RAD54B: variants seen among roughly 807,000 people sequenced by gnomAD.
The protein encoded by RAD54B is DNA repair and recombination protein RAD54B.
Under a neutral mutation model 95.8 loss-of-function variants are expected in RAD54B, and 78 were observed. The observed-to-expected ratio is 0.81, with a 90% CI of 0.68 to 0.98. The LOEUF is 0.98. Ranked by LOEUF, RAD54B falls within the 50% of genes least tolerant of loss-of-function variation. The pLI is 0.00. For synonymous variants in RAD54B, 328 were observed against 354.9 expected (o/e 0.92, Z 0.85); for missense variants, 957 against 1,056.6 (o/e 0.91, Z 1.31).
intron 10 of RAD54B, chr8:94,387,363 G>T: frequency 2.4e-6 from 1 of 415,662 alleles, no homozygotes; most frequent in Non-Finnish European, 4.2e-6. Context: ...TTACAGAGCA[G>T]TTCTAACGCA....
intron 3 of RAD54B, among the ~76,000 whole-genome samples, chr8:94,445,800 G>A (rs146995312): frequency 1.6e-4 from 25 of 151,790 alleles, no homozygotes; most frequent in African/African-American, 5.8e-4. Context: ...CAAAGCTCTG[G>A]GATCACAGGC....
At chr8:94,388,610 C>T (rs2129977536) in intron 10 of RAD54B, among the ~76,000 whole-genome samples, 1 of 152,228 alleles carries the variant, frequency 6.6e-6, no homozygotes, top group South Asian at 2.1e-4. Flanking sequence ...GTTGCACCCC[C>T]TCTTTAGTAA....
At chr8:94,464,238 C>A (rs1255350750) in intron 2 of RAD54B, among the ~76,000 whole-genome samples, 1 of 152,096 alleles carries the variant, frequency 6.6e-6, no homozygotes, top group African/African-American at 2.4e-5. Context: ...GTGGGCCTAA[C>A]CTAATCAAAT....
intron 1 of RAD54B, among the ~76,000 whole-genome samples, chr8:94,471,651 C>T (rs1813175720): frequency 1.3e-5 from 2 of 151,956 alleles, no homozygotes; most frequent in South Asian, 4.1e-4. Context: ...ATACATGCCA[C>T]AACATTAACC....
intron 1 of RAD54B, among the ~76,000 whole-genome samples, chr8:94,469,590 TAAATAA>T (rs1813118199): frequency 6.6e-6 from 1 of 152,256 alleles, no homozygotes; most frequent in Non-Finnish European, 1.5e-5. Flanking sequence ...TAAAGCAATT[TAAATAA>T]AAATTTCAAA....
chr8:94,378,614 T>C lies in RAD54B; in HGVS notation c.2268A>G (p.Arg756=). 2 of 1,609,724 alleles carry C rather than the reference T, an allele frequency of 1.2e-6. No individual in the cohort carries two copies. Among genetic ancestry groups the C allele is most frequent in the Non-Finnish European group, 1.7e-6 (2 of 1,177,186 alleles). ...TDIQAMSRVW[R]DGQKYPVHIY... ...TATGTACAGGATATTTCTGACCATC[T>C]CTCCATACTCTAGACATTGCCTATA... is the stretch of plus-strand genomic sequence containing the variant. Residue 756 remains arginine, a synonymous_variant, in exon 13 of 15, where the codon AGA becomes AGG. Coordinates refer to ENST00000336148, the MANE Select transcript of RAD54B (RefSeq NM_012415.3).
rs770305570 is a variant in RAD54B, at chr8:94,467,494, T to G, written c.46A>C (p.Lys16Gln). ...APSQLQGNSFKKPKFIPPGRS... is the reference protein window; with the variant it reads ...APSQLQGNSFQKPKFIPPGRS... ...CCTGGAGGTATAAATTTTGGTTTTTTGAAGGAATTCCCCTGCAACTGACTT... is the reference window on the plus strand; with the variant it reads ...CCTGGAGGTATAAATTTTGGTTTTTGGAAGGAATTCCCCTGCAACTGACTT... The change falls in exon 2 of 15, where the codon AAA (lysine) becomes CAA (glutamine). Residue 16 changes from lysine to glutamine, a missense_variant. Physicochemically the swap from Lys to Gln is moderately conservative, Grantham distance 53 (BLOSUM62 1). Transcript: ENST00000336148. 1.6e-5 allele frequency: 26 copies of G among 1,613,912 alleles called. No homozygotes were observed. Among genetic ancestry groups the G allele is most frequent in the Non-Finnish European group, 2.2e-5 (26 of 1,180,028 alleles).
chr8:94,446,397 C>T (rs1812521702), intron 3 of RAD54B, among the ~76,000 whole-genome samples: 1 of 152,096 alleles, frequency 6.6e-6, no homozygotes, highest in Non-Finnish European at 1.5e-5. Flanking sequence ...GAGGTGCATA[C>T]ACAGGGCATC....
chr8:94,420,082 T>C (rs867947039), intron 3 of RAD54B, among the ~76,000 whole-genome samples: 1 of 152,224 alleles, frequency 6.6e-6, no homozygotes, highest in Middle Eastern at 3.4e-3. Context: ...CCTAGGTGTG[T>C]AGCAGGCTAT....
intron 5 of RAD54B, among the ~76,000 whole-genome samples, chr8:94,405,717 AAGAG>A (rs1811370661): frequency 2.6e-5 from 4 of 152,160 alleles, no homozygotes; most frequent in Admixed American, 1.3e-4. Flanking sequence ...AACAAGGAAA[AAGAG>A]AAGATAGAGG....
At chr8:94,436,026 A>G (rs1460445597) in intron 3 of RAD54B, among the ~76,000 whole-genome samples, 2 of 152,144 alleles carry the variant, frequency 1.3e-5, no homozygotes, top group African/African-American at 4.8e-5. Context: ...GTTAGTTAAC[A>G]TATATTCAAT....
chr8:94,430,700 A>G, intron 3 of RAD54B: 1 of 902,380 alleles, frequency 1.1e-6, no homozygotes, highest in Non-Finnish European at 1.3e-6. Context: ...TGTTGTCTGT[A>G]TAATGTTTTA....
At chr8:94,452,593 G>A (rs1419940372) in intron 3 of RAD54B, among the ~76,000 whole-genome samples, 3 of 152,044 alleles carry the variant, frequency 2.0e-5, no homozygotes, top group Non-Finnish European at 4.4e-5. Context: ...CCGCTCCTGG[G>A]TTCACACCAT....
At chr8:94,455,734 T>A (rs1441101056) in intron 3 of RAD54B, among the ~76,000 whole-genome samples, 2 of 152,186 alleles carry the variant, frequency 1.3e-5, no homozygotes, top group African/African-American at 4.8e-5. Flanking sequence ...AGAATCTTTC[T>A]TTGCTTCTTT....
intron 3 of RAD54B, among the ~76,000 whole-genome samples, chr8:94,447,676 A>G (rs973119890): frequency 1.3e-5 from 2 of 152,210 alleles, no homozygotes; most frequent in African/African-American, 4.8e-5. Context: ...GTCACAGGAA[A>G]GTGGTCAGCA....
Position 94,372,141 on chromosome 8 carries a change from A to G in RAD54B, c.*29T>C. 1 of 1,561,894 alleles carries G rather than the reference A, an allele frequency of 6.4e-7. No homozygotes were observed. The highest frequency in any genetic ancestry group is 8.6e-7 in the Non-Finnish European group (1 of 1,162,530). ...TTACCATACTAATTTTCAAAAGAAG[A>G]GCAATGGAATGTCAGAAGTAATCTT... is the stretch of plus-strand genomic sequence containing the variant. On this transcript the variant is annotated 3_prime_UTR_variant, in exon 15 of 15. Coordinates refer to ENST00000336148, the MANE Select transcript of RAD54B (RefSeq NM_012415.3).
intron 3 of RAD54B, among the ~76,000 whole-genome samples, chr8:94,449,019 T>C (rs1812588245): frequency 6.7e-6 from 1 of 149,074 alleles, no homozygotes. Flanking sequence ...TGTACGTGTG[T>C]GCACATGCAT....
intron 4 of RAD54B, 32 bp from the exon 5 acceptor site, chr8:94,407,752 C>T (rs764682569): frequency 6.3e-7 from 1 of 1,580,272 alleles, no homozygotes; most frequent in Admixed American, 1.7e-5. Flanking sequence ...AATTAATTGA[C>T]ACTCTATGAT....
Position 94,387,165 on chromosome 8 carries a change from C to A in RAD54B, c.1810-6G>T. On this transcript the variant is annotated splice_polypyrimidine_tract_variant and splice_region_variant and intron_variant, in intron 10 of 14. Transcript: ENST00000336148. ...GTTGAGCTACATTCCTTTTCCTATT[C>A]AAAATGATGATTGTTAATGCTGGCT... 1 of 1,563,122 alleles carries A rather than the reference C, an allele frequency of 6.4e-7. No homozygotes were observed. Among genetic ancestry groups the A allele is most frequent in the East Asian group, 2.3e-5 (1 of 43,178 alleles).
Sources: allele counts gnomAD v4.1 joint callset (sites outside exome capture counted in the v4.1 genomes callset), GRCh38; gene constraint gnomAD v4.1.1; transcripts MANE v1.5; gene names NCBI Gene and HGNC (gene_info 2026-07-23, HGNC 2026-07-21).